IFTAP: variants seen among roughly 807,000 people sequenced by gnomAD.
The protein encoded by IFTAP is intraflagellar transport-associated protein.
A neutral mutation model predicts 19.4 loss-of-function variants in IFTAP; 19 were observed. That is an observed-to-expected ratio of 0.98 (90% confidence interval 0.68 to 1.44). The LOEUF is 1.44. IFTAP is among the 40% of genes most tolerant of loss of function. IFTAP has a pLI of 0.00. For missense variants in IFTAP, 240 were observed against 253.6 expected (o/e 0.95, Z 0.36); for synonymous variants, 85 against 83.5 (o/e 1.02, Z -0.10).
chr11:36,625,032 TTA>T (rs1236732603), intron 2 of IFTAP, among the ~76,000 whole-genome samples: 1 of 152,164 alleles, frequency 6.6e-6, no homozygotes, highest in Non-Finnish European at 1.5e-5. Flanking sequence ...CTGAAATTTT[TTA>T]TGTTTATTAA....
chr11:36,622,869 C>T (rs149650796), intron 2 of IFTAP, among the ~76,000 whole-genome samples: 14 of 152,214 alleles, frequency 9.2e-5, no homozygotes, highest in Non-Finnish European at 1.3e-4. Context: ...TTAAAACCAA[C>T]TATGTATAGT....
chr11:36,607,691 G>C (rs1851744113), intron 1 of IFTAP, among the ~76,000 whole-genome samples: 1 of 148,946 alleles, frequency 6.7e-6, no homozygotes, highest in African/African-American at 2.5e-5. Flanking sequence ...TATTTTTTTT[G>C]AGACAGAGTT....
At chr11:36,634,385 A>C (rs1852855899) in intron 3 of IFTAP, among the ~76,000 whole-genome samples, 1 of 152,150 alleles carries the variant, frequency 6.6e-6, no homozygotes, top group Non-Finnish European at 1.5e-5. Flanking sequence ...TAAGTAGTCT[A>C]TTATAGGTTA....
At chr11:36,638,730 C>T (rs1485123792) in intron 4 of IFTAP, among the ~76,000 whole-genome samples, 1 of 152,136 alleles carries the variant, frequency 6.6e-6, no homozygotes, top group Non-Finnish European at 1.5e-5. Context: ...GATTAGATTC[C>T]GTTGTTATTG....
intron 1 of IFTAP, among the ~76,000 whole-genome samples, chr11:36,608,085 G>C (rs1200006654): frequency 6.6e-6 from 1 of 152,202 alleles, no homozygotes; most frequent in Admixed American, 6.5e-5. Context: ...ATATACTAAA[G>C]TGGTGATATG....
chr11:36,603,802 A>G (rs1040741130), intron 1 of IFTAP, among the ~76,000 whole-genome samples: 1 of 151,996 alleles, frequency 6.6e-6, no homozygotes, highest in African/African-American at 2.4e-5. Flanking sequence ...TGCGCCTGTA[A>G]TCCTGGCTAC....
intron 4 of IFTAP, among the ~76,000 whole-genome samples, chr11:36,637,695 G>A (rs899825219): frequency 3.9e-5 from 6 of 152,106 alleles, no homozygotes; most frequent in Non-Finnish European, 4.4e-5. Context: ...AGGATAACAC[G>A]TGGAGACAAA....
intron 5 of IFTAP, among the ~76,000 whole-genome samples, chr11:36,650,394 CATATA>C (rs751861695): frequency 4.0e-5 from 6 of 151,838 alleles, no homozygotes; most frequent in Non-Finnish European, 5.9e-5. Context: ...TTTAAATTAA[CATATA>C]ATAATTGTAT....
chr11:36,652,002 G>T (rs1444230063), intron 5 of IFTAP, among the ~76,000 whole-genome samples: 2 of 152,058 alleles, frequency 1.3e-5, no homozygotes, highest in Admixed American at 1.3e-4. Context: ...CTCCAGCTTT[G>T]TTCTTTGGCT....
chr11:36,648,131 A>C lies in IFTAP; in HGVS notation c.474A>C (p.Lys158Asn). ...AAGTGAAGCCAAAGCCCAGTGTTAA[A>C]AGAATGGACAAACAGACGGAAGAGG... ...TCEVKPKPSV[K>N]RMDKQTEEIL... is the part of the protein sequence containing the mutation. The change falls in exon 5 of 6, where the codon AAA (lysine) becomes AAC (asparagine). Residue 158 changes from lysine (K) to asparagine (N), a missense_variant. Transcript: ENST00000334307. 6.2e-7 allele frequency: 1 copy of C among 1,613,228 alleles called. No homozygotes were observed. Among genetic ancestry groups the C allele is most frequent in the East Asian group, 2.2e-5 (1 of 44,840 alleles).
intron 4 of IFTAP, among the ~76,000 whole-genome samples, chr11:36,646,655 T>G (rs1590231966): frequency 1.3e-5 from 2 of 152,152 alleles, no homozygotes; most frequent in East Asian, 3.8e-4. Flanking sequence ...AATGTGACAT[T>G]GTAGGATAAG....
chr11:36,603,786 G>A (rs1265204370), intron 1 of IFTAP, among the ~76,000 whole-genome samples: 1 of 152,020 alleles, frequency 6.6e-6, no homozygotes, highest in African/African-American at 2.4e-5. Flanking sequence ...GTCAGGTGTG[G>A]TGGTGTGCGC....
At chr11:36,617,119 A>G (rs1852120373) in intron 2 of IFTAP, among the ~76,000 whole-genome samples, 1 of 150,720 alleles carries the variant, frequency 6.6e-6, no homozygotes, top group African/African-American at 2.4e-5. Context: ...TATATTTGAA[A>G]TGATAATATT....
chr11:36,610,227 C>G lies in IFTAP; in HGVS notation c.124C>G (p.His42Asp), dbSNP rs1851830842. 1.9e-6 allele frequency: 3 copies of G among 1,606,034 alleles called. No individual in the cohort carries two copies. The East Asian group carries it at 6.7e-5, about 36-fold the overall frequency. ...TGAAGAATTTCTGAACACTTTTACTCATCTTTCACAAGGTAAAATGGAGAA... is the reference window on the plus strand; with the variant it reads ...TGAAGAATTTCTGAACACTTTTACTGATCTTTCACAAGGTAAAATGGAGAA... Reference protein sequence around the residue: ...YDEEFLNTFTHLSQEDHVSKR... With the variant: ...YDEEFLNTFTDLSQEDHVSKR... Residue 42 changes from histidine (H) to aspartate (D), a missense_variant, in exon 2 of 6, where the codon CAT becomes GAT. Physicochemically the swap from His to Asp is moderately conservative, Grantham distance 81. Transcript: ENST00000334307.
intron 1 of IFTAP, among the ~76,000 whole-genome samples, chr11:36,607,593 A>AT (rs112871943): frequency 1.8e-4 from 27 of 148,600 alleles, no homozygotes; most frequent in Middle Eastern, 3.5e-3. Context: ...TATCTTATGA[A>AT]TTTTTTTTTT....
intron 4 of IFTAP, among the ~76,000 whole-genome samples, chr11:36,637,244 A>G (rs1253383007): frequency 6.6e-6 from 1 of 152,192 alleles, no homozygotes; most frequent in East Asian, 1.9e-4. Flanking sequence ...GGTAATTGGA[A>G]GAAATGAACA....
intron 5 of IFTAP, 117 bp from the exon 6 acceptor site, chr11:36,658,902 A>C: frequency 1.5e-6 from 1 of 673,908 alleles, no homozygotes; most frequent in South Asian, 3.1e-5. Flanking sequence ...TAATCAGCTG[A>C]GAGTGCTGAA....
chr11:36,606,229 C>G (rs1342277829), intron 1 of IFTAP, among the ~76,000 whole-genome samples: 3 of 152,190 alleles, frequency 2.0e-5, no homozygotes, highest in African/African-American at 7.2e-5. Context: ...GAGGCCAAGG[C>G]AGGCGGATCA....
At chr11:36,652,252 TG>T (rs1298006445) in intron 5 of IFTAP, among the ~76,000 whole-genome samples, 1 of 152,196 alleles carries the variant, frequency 6.6e-6, no homozygotes, top group Admixed American at 6.5e-5. Context: ...TAGTTCTCCT[TG>T]AAGAGGTCCT....
Sources: gnomAD v4.1 joint callset for allele counts (sites outside exome capture counted in the v4.1 genomes callset) on GRCh38, gnomAD v4.1.1 for gene constraint, MANE v1.5 for transcripts, NCBI Gene and HGNC (gene_info 2026-07-23, HGNC 2026-07-21) for gene names.